NRXN3: variants seen among roughly 807,000 people sequenced by gnomAD.
NRXN3 encodes the protein neurexin III.
In NRXN3, 32 loss-of-function variants were observed where a neutral mutation model predicts 137.6. That is an observed-to-expected ratio of 0.23 (90% CI 0.18 to 0.31). The LOEUF (loss-of-function observed/expected upper bound fraction) is 0.31. NRXN3 is among the 10% of genes least tolerant of loss of function. NRXN3 has a pLI of 1.00. For synonymous variants in NRXN3, 798 were observed against 784.5 expected, an observed-to-expected ratio of 1.02 and a Z score of -0.29; for missense variants, 1,574 against 2,062.5, an observed-to-expected ratio of 0.76 and a Z score of 4.59.
rs148810496 is a variant in NRXN3, at chr14:78,751,094, C to G, written c.2044+35955C>G. Among the ~76,000 whole-genome samples, 172 of 152,306 alleles carry G rather than the reference C, an allele frequency of 1.1e-3. No individual in the cohort carries two copies. The Middle Eastern group carries it at 0.017, about 15-fold the overall frequency. On this transcript the variant is annotated intron_variant, in intron 8 of 20. Transcript: ENST00000335750. ...CCTCTTAGATAAAAGAAGTCCTTAG[C>G]TTTGACTATAATACCAGCTATGCTC...
chr14:79,740,741 T>TATATATAA (rs2098959802), intron 19 of NRXN3, among the ~76,000 whole-genome samples: 1 of 45,518 alleles, frequency 2.2e-5, no homozygotes, highest in Non-Finnish European at 4.8e-5. Flanking sequence ...TATATATATA[T>TATATATAA]ATATATATAT....
At chr14:79,070,947 G>T (rs1442052933) in intron 15 of NRXN3, among the ~76,000 whole-genome samples, 1 of 152,148 alleles carries the variant, frequency 6.6e-6, no homozygotes, top group East Asian at 1.9e-4. Context: ...TAACGATGTA[G>T]CCGTAGTGTA....
At chr14:79,317,423 C>T (rs1302345177) in intron 15 of NRXN3, among the ~76,000 whole-genome samples, 1 of 152,144 alleles carries the variant, frequency 6.6e-6, no homozygotes, top group Non-Finnish European at 1.5e-5. Context: ...TGTGTGTCTT[C>T]CCCTCTTCAC....
chr14:79,833,888 C>A (rs1234356164), intron 20 of NRXN3, among the ~76,000 whole-genome samples: 2 of 152,096 alleles, frequency 1.3e-5, no homozygotes, highest in Admixed American at 1.3e-4. Context: ...TGAAAATAAC[C>A]CAGGTGTGCA....
At chr14:79,782,394 A>G (rs2099116534) in intron 19 of NRXN3, among the ~76,000 whole-genome samples, 1 of 152,154 alleles carries the variant, frequency 6.6e-6, no homozygotes, top group Non-Finnish European at 1.5e-5. Context: ...CTGACCTTGG[A>G]TGAGTCATGG....
At position 79,752,447 on chromosome 14, in the gene NRXN3, G is replaced by A. The variant is rs546221030; in HGVS notation, c.4015-52665G>A. On this transcript the variant is annotated intron_variant, in intron 19 of 20. Coordinates refer to ENST00000335750, the MANE Select transcript of NRXN3 (RefSeq NM_001330195.2). ...CAACTATCTGATCTTTGACAAACCT[G>A]AGAAAGACAAGCAATGGGGAAAGGA... is the stretch of plus-strand genomic sequence containing the variant. 8.7e-3 allele frequency among the ~76,000 whole-genome samples: 1,325 copies of A among 152,252 alleles called. 18 individuals carry two copies. The highest frequency in any genetic ancestry group is 0.03 in the African/African-American group (1,258 of 41,526).
intron 8 of NRXN3, among the ~76,000 whole-genome samples, chr14:78,783,420 C>T (rs191256753): frequency 5.1e-4 from 77 of 152,148 alleles, no homozygotes; most frequent in Middle Eastern, 3.4e-3. Context: ...TGGAAGGGAG[C>T]ATGGCAAAAT....
chr14:79,616,753 A>G (rs995913276), intron 16 of NRXN3, among the ~76,000 whole-genome samples: 1 of 152,166 alleles, frequency 6.6e-6, no homozygotes. Flanking sequence ...TTCAATGGGG[A>G]TCTGCCATTG....
intron 4 of NRXN3, among the ~76,000 whole-genome samples, chr14:78,487,192 T>C (rs2095575005): frequency 6.6e-6 from 1 of 152,156 alleles, no homozygotes; most frequent in Non-Finnish European, 1.5e-5. Flanking sequence ...CAGATGACTT[T>C]TTTTTCTGTG....
intron 8 of NRXN3, among the ~76,000 whole-genome samples, chr14:78,733,741 G>C (rs2098527890): frequency 6.6e-6 from 1 of 152,126 alleles, no homozygotes; most frequent in African/African-American, 2.4e-5. Flanking sequence ...ACTATGTAAG[G>C]CTAATATTAC....
intron 4 of NRXN3, among the ~76,000 whole-genome samples, chr14:78,312,852 G>A (rs1299288708): frequency 6.6e-6 from 1 of 152,146 alleles, no homozygotes; most frequent in Non-Finnish European, 1.5e-5. Flanking sequence ...AAATGCATGA[G>A]CACTAAGCTT....
At chr14:78,219,822 T>C (rs1043878869) in intron 1 of NRXN3, among the ~76,000 whole-genome samples, 1 of 151,792 alleles carries the variant, frequency 6.6e-6, no homozygotes, top group African/African-American at 2.4e-5. Flanking sequence ...GTTAGGAGAG[T>C]TGGAAGGAGA....
chr14:78,451,484 A>T (rs2094549765), intron 4 of NRXN3, among the ~76,000 whole-genome samples: 1 of 152,214 alleles, frequency 6.6e-6, no homozygotes, highest in Non-Finnish European at 1.5e-5. Flanking sequence ...TGACAGATTG[A>T]AATTAAAAGC....
intron 15 of NRXN3, among the ~76,000 whole-genome samples, chr14:79,460,571 T>G (rs904173133): frequency 1.3e-5 from 2 of 152,200 alleles, no homozygotes. Flanking sequence ...TTTGTTCTGC[T>G]TATAAGTCTT....
chr14:79,441,524 C>T (rs867180565), intron 15 of NRXN3, among the ~76,000 whole-genome samples: 24 of 151,550 alleles, frequency 1.6e-4, no homozygotes, highest in Non-Finnish European at 2.5e-4. Flanking sequence ...GAACTACAGG[C>T]GCCCGCCACC....
Position 79,355,254 on chromosome 14 carries a change from C to G in NRXN3, c.3263-111967C>G, listed in dbSNP as rs545600971. Among the ~76,000 whole-genome samples, 922 of 149,594 alleles carry G rather than the reference C, an allele frequency of 6.2e-3. 16 individuals are homozygous for G. The highest frequency in any genetic ancestry group is 0.022 in the African/African-American group (879 of 39,320). On this transcript the variant is annotated intron_variant, in intron 15 of 20. Coordinates refer to ENST00000335750, the MANE Select transcript of NRXN3 (RefSeq NM_001330195.2). ...TCCTATTCCTGGGCTTTTCTGTCCC[C>G]CACCCCCTTCCTTCCCTCCTTCCTC...
chr14:78,822,342 T>C (rs980791370), intron 10 of NRXN3, among the ~76,000 whole-genome samples: 10 of 152,132 alleles, frequency 6.6e-5, no homozygotes, highest in Non-Finnish European at 1.5e-4. Flanking sequence ...CACAATCTTA[T>C]AAGGTAGGTG....
chr14:79,224,468 ATTC>A (rs1597463772), intron 15 of NRXN3, among the ~76,000 whole-genome samples: 1 of 152,168 alleles, frequency 6.6e-6, no homozygotes, highest in East Asian at 1.9e-4. Context: ...TATTCTACAT[ATTC>A]TTATCACTTC....
chr14:78,600,545 C>T (rs2097194120), intron 4 of NRXN3, among the ~76,000 whole-genome samples: 1 of 152,178 alleles, frequency 6.6e-6, no homozygotes, highest in Non-Finnish European at 1.5e-5. Flanking sequence ...CTTCATTCAC[C>T]TTTAATGATT....
Sources: gnomAD v4.1 joint callset for allele counts (sites outside exome capture counted in the v4.1 genomes callset) on GRCh38, gnomAD v4.1.1 for gene constraint, MANE v1.5 for transcripts, NCBI Gene and HGNC (gene_info 2026-07-23, HGNC 2026-07-21) for gene names.